Variants in NT5M observed in about 807,000 individuals in gnomAD.
NT5M encodes the protein 5',3'-nucleotidase, mitochondrial.
A neutral mutation model predicts 22.2 loss-of-function variants in NT5M; 22 were observed. The ratio of observed to expected loss-of-function variants is 0.99; its 90% CI spans 0.71 to 1.41. The LOEUF is 1.41. Among genes scored for constraint, NT5M ranks in the 40% most tolerant of loss-of-function variants. NT5M has a pLI of 0.00. For synonymous variants in NT5M, 167 were observed against 133.0 expected, an observed-to-expected ratio of 1.26 and a Z score of -1.76; for missense variants, 322 against 314.8, an observed-to-expected ratio of 1.02 and a Z score of -0.17.
At chr17:17,321,223 C>A (rs886122713) in intron 2 of NT5M, among the ~76,000 whole-genome samples, 2 of 149,810 alleles carry the variant, frequency 1.3e-5, no homozygotes, top group South Asian at 4.2e-4. Flanking sequence ...AGCGGGCATT[C>A]GGGAGGTGCC....
intron 2 of NT5M, among the ~76,000 whole-genome samples, chr17:17,320,736 A>G (rs1473124275): frequency 6.6e-6 from 1 of 152,076 alleles, no homozygotes; most frequent in Non-Finnish European, 1.5e-5. Flanking sequence ...CCTAGACCCA[A>G]CCTGGAGCGG....
chr17:17,304,350 T>TTATC, intron 1 of NT5M: 1 of 971,478 alleles, frequency 1.0e-6, no homozygotes, highest in Non-Finnish European at 1.2e-6. Flanking sequence ...ACCTCATGTC[T>TTATC]TATCCCCTTG....
chr17:17,306,920 G>A (rs1178068023), intron 2 of NT5M, among the ~76,000 whole-genome samples: 1 of 152,194 alleles, frequency 6.6e-6, no homozygotes, highest in Non-Finnish European at 1.5e-5. Flanking sequence ...TTCAATGCCC[G>A]GACGTGGTGG....
intron 3 of NT5M, among the ~76,000 whole-genome samples, chr17:17,342,996 C>T (rs10468464): frequency 0.35 from 52,862 of 152,146 alleles, 10,204 homozygotes; most frequent in East Asian, 0.48. Flanking sequence ...GATACGATGA[C>T]GGACACTGCA....
chr17:17,331,812 G>A lies in NT5M; in HGVS notation c.429+8567G>A, dbSNP rs368390777. ...CTTTTTTTTTTTGAGATGGAGTCTC[G>A]CTGTGTCACCTAAGCTGGAGTGCAG... is the stretch of plus-strand genomic sequence containing the variant. On this transcript the variant is annotated intron_variant, in intron 3 of 4. Transcript: ENST00000389022. 6.2e-4 allele frequency among the ~76,000 whole-genome samples: 92 copies of A among 149,246 alleles called. 4 individuals carry two copies. Among genetic ancestry groups the A allele is most frequent in the African/African-American group, 2.2e-3 (89 of 40,006 alleles).
At position 17,323,249 on chromosome 17, in the gene NT5M, A is replaced by C. The variant is rs1158250181; in HGVS notation, c.429+4A>C. On this transcript the variant is annotated splice_donor_region_variant and intron_variant, in intron 3 of 4. Transcript: ENST00000389022. ...CAAGTACTGTCCCTATGAGAAGGTA[A>C]GGCGTGCGTCTGCTCAGCTGAGCCC... The C allele has an allele frequency of 1.2e-6, 2 of 1,612,962 alleles. No individual in the cohort carries two copies. Among genetic ancestry groups the C allele is most frequent in the African/African-American group, 2.7e-5 (2 of 74,916 alleles).
chr17:17,332,186 G>T (rs2049402688), intron 3 of NT5M, among the ~76,000 whole-genome samples: 1 of 152,154 alleles, frequency 6.6e-6, no homozygotes, highest in Non-Finnish European at 1.5e-5. Flanking sequence ...GAGTGGAGCA[G>T]GACTCTGTCC....
intron 2 of NT5M, among the ~76,000 whole-genome samples, chr17:17,319,266 GC>G (rs1341421823): frequency 6.6e-6 from 1 of 151,700 alleles, no homozygotes; most frequent in Non-Finnish European, 1.5e-5. Context: ...GAGCTAGGCA[GC>G]CCCTGGTTCC....
rs1001866865 is a variant in NT5M, at chr17:17,323,381, C to T, written c.429+136C>T. ...CTCTGTGACAGCGGCTTTCTGCTCC[C>T]CAAGGACCTCTCCAGCCTGAGGCTC... On this transcript the variant is annotated intron_variant, in intron 3 of 4. Transcript: ENST00000389022. The T allele has an allele frequency of 5.7e-5, 43 of 757,444 alleles. 1 individual carries two copies. The East Asian group carries it at 1.1e-3, about 19-fold the overall frequency. The allele number at this position is 757,444 out of a possible 1,614,324, so 46.9% of individuals were successfully genotyped here.
intron 1 of NT5M, among the ~76,000 whole-genome samples, chr17:17,305,911 T>G (rs1177685646): frequency 6.6e-6 from 1 of 152,214 alleles, no homozygotes; most frequent in East Asian, 1.9e-4. Context: ...TTCCCCGTTC[T>G]GAGCCTCAGT....
intron 2 of NT5M, 115 bp downstream of exon 2, chr17:17,306,758 G>T (rs77636620): frequency 1.7e-5 from 13 of 748,018 alleles, no homozygotes; most frequent in African/African-American, 1.0e-4. Context: ...TTGGCCCTGC[G>T]CAAGGCTGCA....
In NT5M at chr17:17,303,622, G is replaced by C; in HGVS notation, c.72G>C (p.Ala24=). The C allele has an allele frequency of 4.6e-6, 6 of 1,305,340 alleles. No individual in the cohort carries two copies. Among genetic ancestry groups the C allele is most frequent in the Non-Finnish European group, 5.9e-6 (6 of 1,020,566 alleles). 80.9% of individuals were successfully genotyped at this position (1,305,340 alleles called of 1,614,324 possible). A position where few individuals can be genotyped will look rare whatever the true frequency, so the allele number is the denominator to read the frequency against. ...CGGTTCCCGCGGGGCGGCGCGGGGC[G>C]GCGGGCGGGCTGGGCCTGGCGGGAG... ...SAAVPAGRRG[A]AGGLGLAGGR... is the part of the protein sequence containing the mutation. Residue 24 remains alanine (A), a synonymous_variant, in exon 1 of 5, where the codon GCG becomes GCC. Transcript: ENST00000389022.
intron 3 of NT5M, 94 bp downstream of exon 3, chr17:17,323,339 T>A: frequency 9.9e-7 from 1 of 1,006,406 alleles, no homozygotes; most frequent in Non-Finnish European, 1.6e-6. Flanking sequence ...GGATGGACCC[T>A]CACAGCACTC....
intron 3 of NT5M, among the ~76,000 whole-genome samples, chr17:17,344,149 A>G (rs1039537110): frequency 1.8e-4 from 28 of 152,140 alleles, no homozygotes; most frequent in Admixed American, 4.6e-4. Flanking sequence ...TTTGCTATCC[A>G]TCGGCCCAGA....
chr17:17,332,069 C>T (rs535033041), intron 3 of NT5M, among the ~76,000 whole-genome samples: 1 of 152,126 alleles, frequency 6.6e-6, no homozygotes, highest in South Asian at 2.1e-4. Context: ...TGTGAGCCAC[C>T]GCATCCGGCC....
chr17:17,345,613 T>A (rs1301611814), intron 4 of NT5M, among the ~76,000 whole-genome samples: 1 of 136,492 alleles, frequency 7.3e-6, no homozygotes, highest in African/African-American at 2.8e-5. Flanking sequence ...CTGGGCAACA[T>A]GGTGAGACTC....
chr17:17,335,860 G>A (rs1004787432), intron 3 of NT5M, among the ~76,000 whole-genome samples: 5 of 152,066 alleles, frequency 3.3e-5, no homozygotes, highest in African/African-American at 1.2e-4. Context: ...TCTAACTCCT[G>A]ACCTCAAGTA....
intron 2 of NT5M, among the ~76,000 whole-genome samples, chr17:17,311,608 G>A (rs1014228672): frequency 1.3e-5 from 2 of 152,116 alleles, no homozygotes; most frequent in South Asian, 2.1e-4. Context: ...CTTGAATTTA[G>A]CAACCTGAAT....
intron 2 of NT5M, 53 bp from the exon 3 acceptor site, chr17:17,323,131 CG>C (rs2049186163): frequency 1.4e-6 from 2 of 1,478,648 alleles, no homozygotes; most frequent in East Asian, 2.3e-5. Flanking sequence ...GTGAAGGCCT[CG>C]GGGTGGTGAA....
Sources: allele counts gnomAD v4.1 joint callset (sites outside exome capture counted in the v4.1 genomes callset), GRCh38; gene constraint gnomAD v4.1.1; transcripts MANE v1.5; gene names NCBI Gene and HGNC (gene_info 2026-07-23, HGNC 2026-07-21).